The following STEAP3 variants were observed in gnomAD, a reference collection of about 807,000 sequenced individuals.
STEAP3 encodes the protein metalloreductase STEAP3.
In STEAP3, 35 loss-of-function variants were observed where a neutral mutation model predicts 34.9. The ratio of observed to expected loss-of-function variants is 1.00; its 90% CI spans 0.76 to 1.33. The LOEUF (loss-of-function observed/expected upper bound fraction) is 1.33. STEAP3 is among the 40% of genes most tolerant of loss of function. The pLI is 0.00. For synonymous variants in STEAP3, 281 were observed against 301.6 expected, an observed-to-expected ratio of 0.93 and a Z score of 0.71; for missense variants, 652 against 667.6, an observed-to-expected ratio of 0.98 and a Z score of 0.26.
At chr2:119,242,041 C>T (rs181269871) in intron 2 of STEAP3, among the ~76,000 whole-genome samples, 4 of 152,292 alleles carry the variant, frequency 2.6e-5, no homozygotes, top group East Asian at 1.9e-4. Flanking sequence ...CAGTCATTGG[C>T]GATGGGTCTT....
chr2:119,232,582 G>A (rs1297044768), intron 2 of STEAP3, among the ~76,000 whole-genome samples: 1 of 152,112 alleles, frequency 6.6e-6, no homozygotes, highest in Non-Finnish European at 1.5e-5. Context: ...ACAGGGTGGG[G>A]GACTTCCCTG....
At chr2:119,232,767 G>A (rs1381702946) in intron 2 of STEAP3, among the ~76,000 whole-genome samples, 3 of 152,184 alleles carry the variant, frequency 2.0e-5, no homozygotes, top group African/African-American at 2.4e-5. Context: ...TGTGGGGAAG[G>A]GTGATCGAGA....
At chr2:119,244,368 C>T (rs1677343078) in intron 2 of STEAP3, 1 of 151,780 alleles carries the variant, frequency 6.6e-6, no homozygotes, top group African/African-American at 2.4e-5. Context: ...TCCTGAGTAG[C>T]TGGGACGACA....
At chr2:119,257,786 G>T in intron 5 of STEAP3, 1 of 1,261,354 alleles carries the variant, frequency 7.9e-7, no homozygotes. Context: ...GCAGACACCA[G>T]GCTATGGGGA....
chr2:119,257,605 C>A (rs1173113946), intron 5 of STEAP3: 2 of 1,512,200 alleles, frequency 1.3e-6, no homozygotes, highest in Non-Finnish European at 1.8e-6. Flanking sequence ...CCTGTGTCCA[C>A]CCCATATGGT....
chr2:119,257,971 A>G (rs991415649), intron 5 of STEAP3, among the ~76,000 whole-genome samples: 4 of 152,202 alleles, frequency 2.6e-5, no homozygotes, highest in African/African-American at 9.7e-5. Context: ...GCAAAGGAAT[A>G]AAAGAATGGC....
chr2:119,258,343 G>C (rs533834788), intron 5 of STEAP3, among the ~76,000 whole-genome samples: 1 of 152,026 alleles, frequency 6.6e-6, no homozygotes, highest in Non-Finnish European at 1.5e-5. Context: ...ATCCTGAGCC[G>C]ACCTCCTATG....
chr2:119,261,834 G>A (rs529029101), intron 5 of STEAP3, among the ~76,000 whole-genome samples: 14 of 152,288 alleles, frequency 9.2e-5, no homozygotes, highest in African/African-American at 2.9e-4. Context: ...TTGGGTGGTG[G>A]ATCAGCCACT....
At chr2:119,248,499 G>T in intron 4 of STEAP3, 1 of 394,006 alleles carries the variant, frequency 2.5e-6, no homozygotes, top group South Asian at 5.5e-5. Context: ...GAGTGCTAAG[G>T]CGCAAAGGAA....
chr2:119,257,769 G>A (rs1677819494), intron 5 of STEAP3: 1 of 1,312,284 alleles, frequency 7.6e-7, no homozygotes, highest in Admixed American at 3.9e-5. Context: ...CTACACACAT[G>A]TCCACAGCAG....
intron 2 of STEAP3, among the ~76,000 whole-genome samples, chr2:119,242,913 A>G (rs1677291300): frequency 6.6e-6 from 1 of 152,116 alleles, no homozygotes; most frequent in South Asian, 2.1e-4. Flanking sequence ...CCTGCCGTGG[A>G]CTCACTATAG....
At chr2:119,258,958 T>TTTGGG (rs1677864141) in intron 5 of STEAP3, among the ~76,000 whole-genome samples, 1 of 147,380 alleles carries the variant, frequency 6.8e-6, no homozygotes, top group African/African-American at 2.5e-5. Flanking sequence ...TTTGGTTTGG[T>TTTGGG]TTGGGTTGTG....
chr2:119,232,619 C>T (rs1217322578), intron 2 of STEAP3, among the ~76,000 whole-genome samples: 4 of 152,266 alleles, frequency 2.6e-5, no homozygotes, highest in South Asian at 2.1e-4. Context: ...ATAAAATGTG[C>T]GCTGCTTTTG....
intron 2 of STEAP3, among the ~76,000 whole-genome samples, chr2:119,241,796 C>T (rs1173666825): frequency 6.6e-6 from 1 of 152,226 alleles, no homozygotes; most frequent in Non-Finnish European, 1.5e-5. Flanking sequence ...CCCTTCCCAC[C>T]TGTGATTAGG....
chr2:119,248,132 C>T lies in STEAP3; in HGVS notation c.976C>T (p.His326Tyr). The T allele has an allele frequency of 6.2e-7, 1 of 1,608,730 alleles. No individual in the cohort carries two copies. ...GCTCAGCTTCTTCTGCGCCGCCCTG[C>T]ACGCCCTCTACAGCTTCTGCTTGCC... Reference protein sequence around the residue: ...GLLSFFCAALHALYSFCLPLR... With the variant: ...GLLSFFCAALYALYSFCLPLR... The change falls in exon 4 of 6, where the codon CAC (histidine) becomes TAC (tyrosine). Residue 326 changes from histidine (H) to tyrosine (Y), a missense_variant. His to Tyr is a moderately conservative substitution (Grantham distance 83). Transcript: ENST00000393110.
intron 2 of STEAP3, among the ~76,000 whole-genome samples, chr2:119,237,872 C>T (rs938950572): frequency 6.6e-6 from 1 of 152,176 alleles, no homozygotes; most frequent in African/African-American, 2.4e-5. Flanking sequence ...CACTAATCTA[C>T]TTTCTGTCTC....
intron 2 of STEAP3, among the ~76,000 whole-genome samples, chr2:119,240,118 T>C (rs1677204042): frequency 6.6e-6 from 1 of 152,122 alleles, no homozygotes; most frequent in African/African-American, 2.4e-5. Context: ...ACAAGAGAAT[T>C]GCTTGAACCT....
intron 2 of STEAP3, among the ~76,000 whole-genome samples, chr2:119,236,560 G>T (rs1368345145): frequency 1.3e-5 from 2 of 152,206 alleles, no homozygotes; most frequent in East Asian, 3.8e-4. Flanking sequence ...AGCTCTCAGT[G>T]ACCAATTGTG....
At chr2:119,233,147 C>A (rs1558743092) in intron 2 of STEAP3, among the ~76,000 whole-genome samples, 1 of 152,178 alleles carries the variant, frequency 6.6e-6, no homozygotes, top group Non-Finnish European at 1.5e-5. Context: ...GGGGACTGGG[C>A]AGAACCCTCC....
Sources: gnomAD v4.1 joint callset for allele counts (sites outside exome capture counted in the v4.1 genomes callset) on GRCh38, gnomAD v4.1.1 for gene constraint, MANE v1.5 for transcripts, NCBI Gene and HGNC (gene_info 2026-07-23, HGNC 2026-07-21) for gene names.